Variants in TREH observed in about 807,000 individuals in gnomAD.
The protein encoded by TREH is trehalase, also known as alpha,alpha-trehalose glucohydrolase.
Under a neutral mutation model 80.5 loss-of-function variants are expected in TREH, and 69 were observed. That is an observed-to-expected ratio of 0.86 (90% CI 0.71 to 1.05). TREH has a LOEUF of 1.05. Among genes scored for constraint, TREH ranks in the 50% least tolerant of loss-of-function variants. TREH has a pLI of 0.00. For missense variants in TREH, 716 were observed against 718.8 expected, an observed-to-expected ratio of 1.00 and a Z score of 0.04; for synonymous variants, 309 against 293.5, an observed-to-expected ratio of 1.05 and a Z score of -0.54.
intron 1 of TREH, among the ~76,000 whole-genome samples, chr11:118,678,681 A>G (rs1217267405): frequency 2.5e-4 from 37 of 150,574 alleles, no homozygotes; most frequent in African/African-American, 8.1e-4. Context: ...TTCTATTATT[A>G]TTGTTCTTGC....
chr11:118,660,923 A>G lies in TREH; in HGVS notation c.858-8T>C, dbSNP rs373328415. ...TTGCTGTAGGACTCAGGCCTGGCAA[A>G]GAGGAGAGGTGGGCAGCCTGGCACT... On this transcript the variant is annotated splice_polypyrimidine_tract_variant and splice_region_variant and intron_variant, in intron 8 of 14. Coordinates refer to ENST00000264029, the MANE Select transcript of TREH (RefSeq NM_007180.3). The G allele has an allele frequency of 6.5e-4, 1,025 of 1,569,220 alleles. 5 individuals carry two copies. In the African/African-American group the frequency reaches 8.4e-3, roughly 13 times the overall value.
chr11:118,665,715 G>T (rs1555145617), intron 1 of TREH, among the ~76,000 whole-genome samples: 1 of 152,230 alleles, frequency 6.6e-6, no homozygotes, highest in Admixed American at 6.5e-5. Flanking sequence ...GCCTGATGGG[G>T]TGTGTTGTGG....
chr11:118,663,070 G>A lies in TREH; in HGVS notation c.317C>T (p.Pro106Leu). 6.2e-7 allele frequency: 1 copy of A among 1,613,902 alleles called. No individual in the cohort carries two copies. The highest frequency in any genetic ancestry group is 8.5e-7 in the Non-Finnish European group (1 of 1,179,816). Residue 106 changes from proline (P) to leucine (L), a missense_variant, in exon 3 of 15, where the codon CCT becomes CTT. By Grantham distance (98) the Pro-to-Leu change is moderately conservative (BLOSUM62 -3). Transcript: ENST00000264029. ...AKGQELQPWT[P>L]ADWKDSPQFL... is the part of the protein sequence containing the mutation. ...GTCATACCTGTCTTTCCAGTCTGCAGGGGTCCAGGGCTGCAGCTCCTGCCC... is the reference window on the plus strand; with the variant it reads ...GTCATACCTGTCTTTCCAGTCTGCAAGGGTCCAGGGCTGCAGCTCCTGCCC...
chr11:118,666,201 G>T (rs1421446020), intron 1 of TREH, among the ~76,000 whole-genome samples: 2 of 151,908 alleles, frequency 1.3e-5, no homozygotes, highest in African/African-American at 4.8e-5. Flanking sequence ...CCGCTGCACT[G>T]CAGCCTGGGC....
chr11:118,679,607 C>T lies in TREH; in HGVS notation c.21G>A (p.Glu7=), dbSNP rs1949514518. The change falls in exon 1 of 15, where the codon GAG becomes GAA. Residue 7 remains glutamate (E), a synonymous_variant. Coordinates refer to ENST00000264029, the MANE Select transcript of TREH (RefSeq NM_007180.3). MPGRTW[E]LCLLLLLGLG... ...GCCCCAGCAGCAGTAGCAGGCACAGCTCCCAGGTCCTCCCTGGCATGGTGG... is the reference window on the plus strand; with the variant it reads ...GCCCCAGCAGCAGTAGCAGGCACAGTTCCCAGGTCCTCCCTGGCATGGTGG... The T allele has an allele frequency of 6.5e-7, 1 of 1,540,920 alleles. No homozygotes were observed. The highest frequency in any genetic ancestry group is 1.3e-5 in the South Asian group (1 of 79,848).
chr11:118,660,741 G>A lies in TREH; in HGVS notation c.908-8C>T. The A allele has an allele frequency of 6.4e-7, 1 of 1,567,324 alleles. No homozygotes were observed. Among genetic ancestry groups the A allele is most frequent in the African/African-American group, 1.4e-5 (1 of 73,848 alleles). ...ACAGAGCCTCCCGGTCTCCTGTGAG[G>A]ACAGAGCAGGGAACCAGCCAGTCCC... On this transcript the variant is annotated splice_polypyrimidine_tract_variant and splice_region_variant and intron_variant, in intron 9 of 14. Coordinates refer to ENST00000264029, the MANE Select transcript of TREH (RefSeq NM_007180.3).
rs879983941 is a variant in TREH, at chr11:118,660,848, C to A, written c.907+18G>T. 6.4e-7 allele frequency: 1 copy of A among 1,561,702 alleles called. No individual in the cohort carries two copies. The highest frequency in any genetic ancestry group is 1.2e-5 in the South Asian group (1 of 84,752). On this transcript the variant is annotated intron_variant, in intron 9 of 14. Coordinates refer to ENST00000264029, the MANE Select transcript of TREH (RefSeq NM_007180.3). ...AGCTGCCCTGCCCCCAGCCCTCCCT[C>A]ACCCTCCTGCTGCTCACCTTCTGGC...
chr11:118,665,926 G>T (rs985646610), intron 1 of TREH, among the ~76,000 whole-genome samples: 2 of 152,146 alleles, frequency 1.3e-5, no homozygotes, highest in South Asian at 4.1e-4. Flanking sequence ...CCCTTACAAA[G>T]GTGGAAAAAT....
At chr11:118,668,857 A>T (rs1783935) in intron 1 of TREH, among the ~76,000 whole-genome samples, 53,004 of 151,718 alleles carry the variant, frequency 0.35, 9,564 homozygotes, top group Admixed American at 0.48. Flanking sequence ...GGAGAATTGC[A>T]TGAACCTGGG....
In TREH at chr11:118,659,901, G is replaced by C. The variant is rs1555144517; in HGVS notation, c.1166C>G (p.Thr389Arg). ...TCCGGTCTGCTCATCCCACAGGACTGTGTTCAGGGCGGCCAAGCGCTGCGA... is the reference window on the plus strand; with the variant it reads ...TCCGGTCTGCTCATCCCACAGGACTCTGTTCAGGGCGGCCAAGCGCTGCGA... ...LRSQRLAALN[T>R]VLWDEQTGAW... is the part of the protein sequence containing the mutation. The change falls in exon 11 of 15, where the codon ACA becomes AGA. Residue 389 changes from threonine (T) to arginine (R), a missense_variant. Physicochemically the swap from Thr to Arg is moderately conservative, Grantham distance 71. Transcript: ENST00000264029. 1 of 1,551,716 alleles carries C rather than the reference G, an allele frequency of 6.4e-7. No homozygotes were observed. The highest frequency in any genetic ancestry group is 2.0e-5 in the Admixed American group (1 of 50,982).
chr11:118,661,523 G>A lies in TREH; in HGVS notation c.618-14C>T, dbSNP rs1555144971. On this transcript the variant is annotated splice_polypyrimidine_tract_variant and intron_variant, in intron 6 of 14. Coordinates refer to ENST00000264029, the MANE Select transcript of TREH (RefSeq NM_007180.3). This position sits in a 1 kb window ranked among gnomAD's most constrained non-coding sequence, Gnocchi z 4.2. ...ACATGCCCATAGCTGCCAAGGGGAA[G>A]GCCTGCTGAGATGCCCTCTCCCCAG... 3 of 1,613,040 alleles carry A rather than the reference G, an allele frequency of 1.9e-6. No individual in the cohort carries two copies. Among genetic ancestry groups the A allele is most frequent in the Non-Finnish European group, 2.5e-6 (3 of 1,179,398 alleles).
rs1949319619 is a variant in TREH, at chr11:118,661,374, C to A, written c.734+19G>T. 6.2e-7 allele frequency: 1 copy of A among 1,613,912 alleles called. No homozygotes were observed. The highest frequency in any genetic ancestry group is 8.5e-7 in the Non-Finnish European group (1 of 1,179,832). On this transcript the variant is annotated intron_variant, in intron 7 of 14. Coordinates refer to ENST00000264029, the MANE Select transcript of TREH (RefSeq NM_007180.3). The surrounding 1 kb of genome is among the most constrained non-coding windows in gnomAD (Gnocchi z 4.2). ...GGATGGGTGGGTCTGCAGAGCAGCACAGGGAGGGTGGTACCCACTGTAGAA... is the reference window on the plus strand; with the variant it reads ...GGATGGGTGGGTCTGCAGAGCAGCAAAGGGAGGGTGGTACCCACTGTAGAA...
intron 1 of TREH, among the ~76,000 whole-genome samples, chr11:118,667,128 C>T (rs542117290): frequency 4.1e-4 from 63 of 152,102 alleles, no homozygotes; most frequent in Middle Eastern, 3.4e-3. Flanking sequence ...GTGATCCGCC[C>T]GTCTCAGCCT....
intron 1 of TREH, among the ~76,000 whole-genome samples, chr11:118,670,673 A>C (rs1015473755): frequency 1.3e-5 from 2 of 152,220 alleles, no homozygotes; most frequent in Non-Finnish European, 2.9e-5. Context: ...CATTGTCATT[A>C]ATAATTAGTC....
rs1949456425 is a variant in TREH, at chr11:118,674,270, A to G, written c.89+5269T>C. Among the ~76,000 whole-genome samples the G allele has an allele frequency of 6.6e-6, 1 of 152,246 alleles. No homozygotes were observed. Among genetic ancestry groups the G allele is most frequent in the Non-Finnish European group, 1.5e-5 (1 of 68,048 alleles). On this transcript the variant is annotated intron_variant, in intron 1 of 14. Coordinates refer to ENST00000264029, the MANE Select transcript of TREH (RefSeq NM_007180.3). The surrounding 1 kb of genome is among the most constrained non-coding windows in gnomAD (Gnocchi z 4.4). ...AGTCCAAAGTCTCAGCACTCGTGCC[A>G]GGAGGTGCTCTAAGACTTTTGCTAT... is the stretch of plus-strand genomic sequence containing the variant.
intron 1 of TREH, among the ~76,000 whole-genome samples, chr11:118,670,488 C>T (rs75444169): frequency 0.011 from 1,681 of 152,182 alleles, 24 homozygotes; most frequent in African/African-American, 0.036. Context: ...ATGAATATGC[C>T]GAAAATTTAG....
At chr11:118,676,215 G>A (rs570499360) in intron 1 of TREH, among the ~76,000 whole-genome samples, 28 of 152,288 alleles carry the variant, frequency 1.8e-4, no homozygotes, top group African/African-American at 5.5e-4. Context: ...ATGTGGAGTC[G>A]TCTTGTTAGC....
At chr11:118,665,065 C>T (rs1380008749) in intron 1 of TREH, among the ~76,000 whole-genome samples, 1 of 151,080 alleles carries the variant, frequency 6.6e-6, no homozygotes, top group African/African-American at 2.4e-5. Context: ...ACCGAGATCA[C>T]GCCACTGCAA....
In TREH at chr11:118,661,272, C is replaced by T. The variant is rs1555144909; in HGVS notation, c.745G>A (p.Glu249Lys). The T allele has an allele frequency of 6.2e-7, 1 of 1,613,982 alleles. No homozygotes were observed. The highest frequency in any genetic ancestry group is 1.7e-5 in the Admixed American group (1 of 60,018). The change falls in exon 8 of 15, where the codon GAA becomes AAA. Residue 249 changes from glutamate to lysine, a missense_variant. Glu to Lys is a moderately conservative substitution (Grantham distance 56). Coordinates refer to ENST00000264029, the MANE Select transcript of TREH (RefSeq NM_007180.3). The surrounding 1 kb of genome is among the most constrained non-coding windows in gnomAD (Gnocchi z 4.2). ...AAGTCCAATTCCAAGGCTAGTGTTTCAATGTTTTCCCTGGAGTGAAGCAGA... is the reference window on the plus strand; with the variant it reads ...AAGTCCAATTCCAAGGCTAGTGTTTTAATGTTTTCCCTGGAGTGAAGCAGA... ...NDTAFLQENI[E>K]TLALELDFWT...
Sources: gnomAD v4.1 joint callset for allele counts (sites outside exome capture counted in the v4.1 genomes callset) on GRCh38, gnomAD v4.1.1 for gene constraint, Gnocchi (gnomAD v3.1) non-coding constraint, MANE v1.5 for transcripts, NCBI Gene and HGNC (gene_info 2026-07-23, HGNC 2026-07-21) for gene names.